CSGALNACT1: variants seen among roughly 807,000 people sequenced by gnomAD.
The protein encoded by CSGALNACT1 is chondroitin sulfate N-acetylgalactosaminyltransferase 1.
Under a neutral mutation model 51.0 loss-of-function variants are expected in CSGALNACT1, and 52 were observed. That is an observed-to-expected ratio of 1.02 (90% CI 0.82 to 1.29). The LOEUF (loss-of-function observed/expected upper bound fraction) is 1.29. Ranked by LOEUF, CSGALNACT1 falls within the 50% of genes most tolerant of loss-of-function variation. The pLI is 0.00. For synonymous variants in CSGALNACT1, 341 were observed against 254.4 expected (o/e 1.34, Z -3.24); for missense variants, 935 against 679.2 (o/e 1.38, Z -4.19).
chr8:19,684,462 A>G (rs966768967), upstream of CSGALNACT1, among the ~76,000 whole-genome samples: 1 of 152,198 alleles, frequency 6.6e-6, no homozygotes, highest in Non-Finnish European at 1.5e-5. Context: ...TAAATATTTT[A>G]TACTATCTTG....
chr8:19,715,647 G>A (rs1468345658), intron 1 of CSGALNACT1, among the ~76,000 whole-genome samples: 1 of 152,124 alleles, frequency 6.6e-6, no homozygotes, highest in East Asian at 1.9e-4. Flanking sequence ...CTTTTTGCAT[G>A]CCTAGTAATT....
At chr8:19,576,139 A>G (rs1319066539) in intron 3 of CSGALNACT1, among the ~76,000 whole-genome samples, 1 of 151,986 alleles carries the variant, frequency 6.6e-6, no homozygotes, top group Non-Finnish European at 1.5e-5. Flanking sequence ...GAGGCTGGAG[A>G]GGATGTTTCC....
rs572828250 is a variant in CSGALNACT1, at chr8:19,741,056, AC to A, written c.-297+16793del. Among the ~76,000 whole-genome samples, 273 of 152,330 alleles carry A rather than the reference AC, an allele frequency of 1.8e-3. 2 individuals carry two copies. Among genetic ancestry groups the A allele is most frequent in the African/African-American group, 6.4e-3 (266 of 41,570 alleles). On this transcript the variant is annotated intron_variant, in intron 1 of 1. Coordinates refer to the CSGALNACT1 transcript ENST00000517494. Reference sequence around the variant, plus strand: ...AATGGAGGAAGCAAGTCAAAAACTGACTTTTGTGCGTAGGTTGAAGGATTTC... The same window carrying A: ...AATGGAGGAAGCAAGTCAAAAACTGATTTTGTGCGTAGGTTGAAGGATTTC...
chr8:19,664,225 T>C lies in CSGALNACT1; in HGVS notation c.-544+18248A>G, dbSNP rs183376817. Among the ~76,000 whole-genome samples, 34 of 152,298 alleles carry C rather than the reference T, an allele frequency of 2.2e-4. No homozygotes were observed. The South Asian group carries it at 3.3e-3, about 15-fold the overall frequency. On this transcript the variant is annotated intron_variant, in intron 1 of 9. Coordinates refer to the CSGALNACT1 transcript ENST00000332246. ...AAATCTAGGAATGGAATTGAGACAT[T>C]ACTAGTTTTACAGGATTGCAGGATG... is the stretch of plus-strand genomic sequence containing the variant.
At chr8:19,646,039 ATGAG>A (rs1169688095) in intron 1 of CSGALNACT1, among the ~76,000 whole-genome samples, 1 of 152,218 alleles carries the variant, frequency 6.6e-6, no homozygotes, top group Non-Finnish European at 1.5e-5. Flanking sequence ...ATAACAAGAA[ATGAG>A]TGAGAAATCA....
chr8:19,683,472 A>C (rs2060779517), upstream of CSGALNACT1, among the ~76,000 whole-genome samples: 1 of 152,234 alleles, frequency 6.6e-6, no homozygotes, highest in South Asian at 2.1e-4. Context: ...TTCTTTTAAA[A>C]ATAGCCTTTC....
intron 3 of CSGALNACT1, among the ~76,000 whole-genome samples, chr8:19,564,778 G>A (rs1222597088): frequency 2.0e-5 from 3 of 152,312 alleles, no homozygotes; most frequent in Admixed American, 1.3e-4. Context: ...TTTTTCTGTA[G>A]TATTTCTGTG....
At chr8:19,505,907 G>A in exon 4 of CSGALNACT1, 1 of 1,585,168 alleles carries the variant, frequency 6.3e-7, no homozygotes, top group South Asian at 1.1e-5. Flanking sequence ...GGCTTCCCTG[G>A]GCTAGACCAC....
chr8:19,470,430 G>C (rs911045274), intron 4 of CSGALNACT1, among the ~76,000 whole-genome samples: 1 of 152,170 alleles, frequency 6.6e-6, no homozygotes, highest in African/African-American at 2.4e-5. Flanking sequence ...GCATGAATTT[G>C]CACTGACATC....
At chr8:19,673,524 G>C (rs553126367) in intron 1 of CSGALNACT1, among the ~76,000 whole-genome samples, 1 of 152,308 alleles carries the variant, frequency 6.6e-6, no homozygotes, top group African/African-American at 2.4e-5. Context: ...ACTCTTGTCT[G>C]TCTTCAAGAT....
At chr8:19,453,455 G>A (rs865816174) in intron 5 of CSGALNACT1, among the ~76,000 whole-genome samples, 31 of 152,182 alleles carry the variant, frequency 2.0e-4, no homozygotes, top group Admixed American at 9.8e-4. Context: ...AAACAGAGAT[G>A]CTAATAAATG....
chr8:19,661,755 T>A (rs927717158), intron 1 of CSGALNACT1, among the ~76,000 whole-genome samples: 1 of 152,074 alleles, frequency 6.6e-6, no homozygotes, highest in Non-Finnish European at 1.5e-5. Context: ...TCAGGTAAGG[T>A]CTTCATTTCC....
At chr8:19,481,157 A>G (rs946325789) in intron 4 of CSGALNACT1, among the ~76,000 whole-genome samples, 1 of 150,008 alleles carries the variant, frequency 6.7e-6, no homozygotes, top group Non-Finnish European at 1.5e-5. Flanking sequence ...ACCATCCTTC[A>G]TCTTTCCAGT....
At chr8:19,548,796 T>C (rs2087144694) in intron 3 of CSGALNACT1, among the ~76,000 whole-genome samples, 1 of 152,182 alleles carries the variant, frequency 6.6e-6, no homozygotes, top group East Asian at 1.9e-4. Flanking sequence ...ATCTTCATAT[T>C]TTAGGTAACG....
intron 3 of CSGALNACT1, among the ~76,000 whole-genome samples, chr8:19,565,193 A>G (rs2041648457): frequency 6.6e-6 from 1 of 152,228 alleles, no homozygotes; most frequent in Non-Finnish European, 1.5e-5. Context: ...AACTTTCATA[A>G]AACACTTTCC....
chr8:19,540,921 GAGCTAT>G (rs2084952269), intron 3 of CSGALNACT1, among the ~76,000 whole-genome samples: 1 of 152,052 alleles, frequency 6.6e-6, no homozygotes, highest in South Asian at 2.1e-4. Context: ...CTCCTCCACT[GAGCTAT>G]AGCTGCCAGT....
At chr8:19,630,965 T>C (rs2055171751) in intron 1 of CSGALNACT1, among the ~76,000 whole-genome samples, 2 of 152,186 alleles carry the variant, frequency 1.3e-5, no homozygotes, top group East Asian at 3.9e-4. Context: ...AATATTGACA[T>C]GTTATTAACT....
At chr8:19,619,336 T>G (rs962945587) in intron 1 of CSGALNACT1, among the ~76,000 whole-genome samples, 7 of 151,540 alleles carry the variant, frequency 4.6e-5, no homozygotes, top group African/African-American at 1.5e-4. Context: ...TGGCTGGAAT[T>G]TGAGATGCCT....
At chr8:19,570,076 G>T (rs1237857004) in intron 3 of CSGALNACT1, among the ~76,000 whole-genome samples, 2 of 150,636 alleles carry the variant, frequency 1.3e-5, no homozygotes, top group East Asian at 3.9e-4. Flanking sequence ...TGGAAGGGAG[G>T]GTAGATTGGG....
Sources: allele counts gnomAD v4.1 joint callset (sites outside exome capture counted in the v4.1 genomes callset), GRCh38; gene constraint gnomAD v4.1.1; transcripts MANE v1.5; gene names NCBI Gene and HGNC (gene_info 2026-07-23, HGNC 2026-07-21).